Variants in DLG2 observed in about 807,000 individuals in gnomAD.
DLG2 encodes discs large MAGUK scaffold protein 2.
A neutral mutation model predicts 132.5 loss-of-function variants in DLG2; 45 were observed. The ratio of observed to expected loss-of-function variants is 0.34; its 90% CI spans 0.27 to 0.44. The LOEUF is 0.44. DLG2 is among the 20% of genes least tolerant of loss of function. DLG2 has a pLI of 1.00. For missense variants in DLG2, 1,045 were observed against 1,196.9 expected (o/e 0.87, Z 1.87); for synonymous variants, 424 against 419.6 (o/e 1.01, Z -0.13).
chr11:84,345,165 A>G (rs187792797), intron 7 of DLG2, among the ~76,000 whole-genome samples: 25 of 152,306 alleles, frequency 1.6e-4, no homozygotes, highest in Non-Finnish European at 2.6e-4. Flanking sequence ...TGTCAGCCAG[A>G]TCATTTGTTT....
chr11:84,770,937 C>T (rs1243074900), intron 6 of DLG2, among the ~76,000 whole-genome samples: 9 of 152,058 alleles, frequency 5.9e-5, no homozygotes, highest in Non-Finnish European at 1.5e-5. Flanking sequence ...CAGGCATGAG[C>T]CACTGCGCTC....
chr11:85,543,558 C>A (rs939787292), intron 3 of DLG2, among the ~76,000 whole-genome samples: 46 of 152,268 alleles, frequency 3.0e-4, no homozygotes, highest in African/African-American at 1.1e-3. Flanking sequence ...TAAGGAATTG[C>A]CACACTGTCT....
At chr11:85,183,426 GT>G (rs1029945764) in intron 4 of DLG2, among the ~76,000 whole-genome samples, 2 of 151,832 alleles carry the variant, frequency 1.3e-5, no homozygotes, top group African/African-American at 4.8e-5. Context: ...ATGCTCATAT[GT>G]TTTTATTACT....
intron 6 of DLG2, among the ~76,000 whole-genome samples, chr11:84,847,754 T>C (rs566711652): frequency 1.3e-5 from 2 of 152,234 alleles, no homozygotes; most frequent in Admixed American, 1.3e-4. Context: ...GAAAAATAGC[T>C]TGTAAGATTC....
At position 84,059,343 on chromosome 11, in the gene DLG2, CACA is replaced by C; in HGVS notation, c.888_890del (p.Val297del). The C allele has an allele frequency of 6.2e-7, 1 of 1,613,390 alleles. No homozygotes were observed. Among genetic ancestry groups the C allele is most frequent in the East Asian group, 2.2e-5 (1 of 44,796 alleles). On this transcript the variant is annotated inframe_deletion, in exon 11 of 28. Coordinates refer to ENST00000376104, the MANE Select transcript of DLG2 (RefSeq NM_001142699.3). Reference sequence around the variant, plus strand: ...TAGGGCCTTTGAACAGTTTGATTTCCACAACGGTCTCCAAAATAGGTCGTCTTC... The same window carrying C: ...TAGGGCCTTTGAACAGTTTGATTTCCACGGTCTCCAAAATAGGTCGTCTTC...
At chr11:84,377,649 G>T (rs1242204670) in intron 7 of DLG2, among the ~76,000 whole-genome samples, 1 of 152,126 alleles carries the variant, frequency 6.6e-6, no homozygotes, top group Non-Finnish European at 1.5e-5. Context: ...GACGATTATA[G>T]AATCTGAGGG....
chr11:85,107,194 G>C (rs542663711), intron 6 of DLG2, among the ~76,000 whole-genome samples: 1 of 152,030 alleles, frequency 6.6e-6, no homozygotes, highest in African/African-American at 2.4e-5. Context: ...TTCCATAATA[G>C]CAGTCAACTT....
chr11:84,201,450 G>T (rs994543367), intron 8 of DLG2, among the ~76,000 whole-genome samples: 1 of 152,154 alleles, frequency 6.6e-6, no homozygotes, highest in African/African-American at 2.4e-5. Context: ...TCAGGATGAT[G>T]CTGGCCTCAT....
At chr11:83,868,182 AGGGATGGAAGGAAG>A (rs1391708716) in intron 16 of DLG2, among the ~76,000 whole-genome samples, 11 of 152,158 alleles carry the variant, frequency 7.2e-5, no homozygotes, top group African/African-American at 2.7e-4. Context: ...TCCCCCACCC[AGGGATGGAAGGAAG>A]GCCTGCAAAC....
intron 4 of DLG2, among the ~76,000 whole-genome samples, chr11:85,213,815 G>A (rs1439534741): frequency 6.6e-6 from 1 of 152,042 alleles, no homozygotes; most frequent in Non-Finnish European, 1.5e-5. Flanking sequence ...TCAGGTGGCT[G>A]GGGGACTTAG....
intron 3 of DLG2, among the ~76,000 whole-genome samples, chr11:85,384,055 C>G (rs949498284): frequency 6.6e-6 from 1 of 152,116 alleles, no homozygotes; most frequent in African/African-American, 2.4e-5. Context: ...TCCTTTATAT[C>G]TTTCCTAGGA....
chr11:85,212,514 C>A (rs894163987), intron 4 of DLG2, among the ~76,000 whole-genome samples: 1 of 152,034 alleles, frequency 6.6e-6, no homozygotes, highest in South Asian at 2.1e-4. Flanking sequence ...GGAAAACAAC[C>A]ATTAATATTA....
At chr11:85,223,373 C>T (rs1042858064) in intron 4 of DLG2, among the ~76,000 whole-genome samples, 4 of 152,110 alleles carry the variant, frequency 2.6e-5, no homozygotes, top group African/African-American at 4.8e-5. Flanking sequence ...GTGGCTTACA[C>T]CTGTAAATCT....
intron 19 of DLG2, among the ~76,000 whole-genome samples, chr11:83,599,433 ATC>A (rs143123950): frequency 0.017 from 2,563 of 152,198 alleles, 63 homozygotes; most frequent in African/African-American, 0.059. Flanking sequence ...TTGGACAACT[ATC>A]TATCGCCTCC....
chr11:84,089,406 C>G (rs1329837012), intron 10 of DLG2, among the ~76,000 whole-genome samples: 10 of 152,138 alleles, frequency 6.6e-5, no homozygotes, highest in African/African-American at 2.4e-4. Flanking sequence ...TCCTTTTCCT[C>G]CCCTCCCCTT....
chr11:85,274,055 C>T (rs898347689), intron 4 of DLG2, among the ~76,000 whole-genome samples: 3 of 152,044 alleles, frequency 2.0e-5, no homozygotes, highest in Non-Finnish European at 2.9e-5. Context: ...AATTGAACCA[C>T]GAGAACACTT....
intron 6 of DLG2, among the ~76,000 whole-genome samples, chr11:84,729,238 T>C (rs950252232): frequency 3.9e-5 from 6 of 152,178 alleles, no homozygotes; most frequent in African/African-American, 1.4e-4. Context: ...TATGTTTCCC[T>C]CTACACACTG....
chr11:83,810,684 A>C (rs962566167), intron 17 of DLG2, among the ~76,000 whole-genome samples: 2 of 152,096 alleles, frequency 1.3e-5, no homozygotes, highest in Non-Finnish European at 2.9e-5. Context: ...AAGATGTTTG[A>C]TTCTGCAAAG....
chr11:84,349,723 G>C (rs2098554196), intron 7 of DLG2, among the ~76,000 whole-genome samples: 1 of 152,120 alleles, frequency 6.6e-6, no homozygotes, highest in Admixed American at 6.5e-5. Flanking sequence ...TGTTGTAGAA[G>C]AAGAAATACT....
Sources: gnomAD v4.1 joint callset for allele counts (sites outside exome capture counted in the v4.1 genomes callset) on GRCh38, gnomAD v4.1.1 for gene constraint, MANE v1.5 for transcripts, NCBI Gene and HGNC (gene_info 2026-07-23, HGNC 2026-07-21) for gene names.